The following PTPRA variants were observed in gnomAD, a reference collection of about 807,000 sequenced individuals.
PTPRA encodes protein tyrosine phosphatase receptor type A, also known as receptor-type tyrosine-protein phosphatase alpha.
Under a neutral mutation model 104.8 loss-of-function variants are expected in PTPRA, and 25 were observed. The ratio of observed to expected loss-of-function variants is 0.24; its 90% CI spans 0.17 to 0.33. The LOEUF (loss-of-function observed/expected upper bound fraction) is 0.33. Among genes scored for constraint, PTPRA ranks in the 10% least tolerant of loss-of-function variants. PTPRA has a pLI of 1.00. For missense variants in PTPRA, 765 were observed against 1,015.3 expected (o/e 0.75, Z 3.35); for synonymous variants, 323 against 368.9 (o/e 0.88, Z 1.43).
intron 5 of PTPRA, among the ~76,000 whole-genome samples, chr20:2,968,853 T>C (rs1174192148): frequency 6.6e-6 from 1 of 152,114 alleles, no homozygotes; most frequent in Non-Finnish European, 1.5e-5. Flanking sequence ...TTGAGGCTGC[T>C]GCAGTGAGCT....
At chr20:3,000,881 C>G (rs1396591931) in intron 9 of PTPRA, among the ~76,000 whole-genome samples, 6 of 152,074 alleles carry the variant, frequency 3.9e-5, no homozygotes, top group Non-Finnish European at 8.8e-5. Flanking sequence ...TATAAAACTT[C>G]AGGTTTACCA....
intron 9 of PTPRA, among the ~76,000 whole-genome samples, chr20:3,004,729 A>C (rs557542408): frequency 6.6e-6 from 1 of 152,190 alleles, no homozygotes. Context: ...CCCCATTCCA[A>C]TTTACAAGGG....
intron 2 of PTPRA, among the ~76,000 whole-genome samples, chr20:2,947,585 A>G (rs528556549): frequency 6.6e-6 from 1 of 152,290 alleles, no homozygotes; most frequent in South Asian, 2.1e-4. Context: ...CATCACTGCC[A>G]GCGTCTCCAC....
intron 1 of PTPRA, among the ~76,000 whole-genome samples, chr20:2,901,443 G>T (rs1485723946): frequency 6.6e-6 from 1 of 152,172 alleles, no homozygotes. Flanking sequence ...TTCAGCCATT[G>T]CTATTGATGG....
At chr20:2,912,876 C>G (rs560970713) in intron 1 of PTPRA, among the ~76,000 whole-genome samples, 2 of 152,272 alleles carry the variant, frequency 1.3e-5, no homozygotes, top group South Asian at 4.1e-4. Context: ...GGTACTTTGA[C>G]TATCCAGAAA....
intron 20 of PTPRA, among the ~76,000 whole-genome samples, chr20:3,028,192 C>A (rs1233729392): frequency 1.3e-5 from 2 of 151,862 alleles, no homozygotes; most frequent in Non-Finnish European, 2.9e-5. Context: ...GCGGGGGGGG[C>A]ACCCTCTCCT....
intron 1 of PTPRA, among the ~76,000 whole-genome samples, chr20:2,917,673 A>G (rs1194245039): frequency 1.3e-5 from 2 of 152,172 alleles, no homozygotes; most frequent in African/African-American, 2.4e-5. Context: ...CTGTTTTACT[A>G]GATTAGAAAA....
rs371220838 is a variant in PTPRA at position 2,990,654 on chromosome 20, C to G, written c.738+2180C>G. On this transcript the variant is annotated intron_variant, in intron 9 of 23. Transcript: ENST00000399903. ...GATGAGGTGGGAGTATCGCTTGAGCCTGCGGGGTGGAGGTTGCAGTGAGTC... is the reference window on the plus strand; with the variant it reads ...GATGAGGTGGGAGTATCGCTTGAGCGTGCGGGGTGGAGGTTGCAGTGAGTC... Among the ~76,000 whole-genome samples the G allele has an allele frequency of 3.3e-5, 5 of 152,298 alleles. No homozygotes were observed. The East Asian group carries it at 7.7e-4, about 24-fold the overall frequency.
intron 1 of PTPRA, among the ~76,000 whole-genome samples, chr20:2,888,653 T>C (rs372645264): frequency 9.2e-5 from 14 of 152,214 alleles, no homozygotes; most frequent in African/African-American, 3.4e-4. Flanking sequence ...TATGTGTCCA[T>C]GTTAATAGTT....
At chr20:2,980,451 G>C (rs969160043) in intron 6 of PTPRA, among the ~76,000 whole-genome samples, 1 of 151,960 alleles carries the variant, frequency 6.6e-6, no homozygotes, top group Non-Finnish European at 1.5e-5. Context: ...CTACTAGGGA[G>C]GCTAAGGTGT....
At chr20:2,882,372 A>G (rs2090106889) in intron 1 of PTPRA, among the ~76,000 whole-genome samples, 1 of 150,070 alleles carries the variant, frequency 6.7e-6, no homozygotes, top group African/African-American at 2.5e-5. Context: ...TCACTGCAGC[A>G]TTGACCTCCC....
At chr20:2,958,658 TAAAAA>T (rs71195806) in intron 3 of PTPRA, among the ~76,000 whole-genome samples, 1,832 of 62,188 alleles carry the variant, frequency 0.029, 53 homozygotes, top group Middle Eastern at 0.088. Context: ...CCATCTCTAC[TAAAAA>T]AAAAAAAAAA....
Position 3,007,907 on chromosome 20 carries a change from T to C in PTPRA, c.906+487T>C, listed in dbSNP as rs561110729. ...CAAGGCCTGAGGGAAGAGCTGATAC[T>C]AAGAGGAGGTTTTTAAAGATGATTT... On this transcript the variant is annotated intron_variant, in intron 11 of 23. Transcript: ENST00000399903. 1.7e-4 allele frequency among the ~76,000 whole-genome samples: 26 copies of C among 152,252 alleles called. No homozygotes were observed. In the South Asian group the frequency reaches 5.2e-3, roughly 30 times the overall value.
At chr20:2,910,589 G>GTTTTTTTTTTTTTTT (rs1423909050) in intron 1 of PTPRA, among the ~76,000 whole-genome samples, 2 of 57,968 alleles carry the variant, frequency 3.5e-5, no homozygotes, top group African/African-American at 7.9e-5. Flanking sequence ...TTTTTTTTTT[G>GTTTTTTTTTTTTTTT]TTTTTTTTTT....
rs1359814721 is a variant in PTPRA at position 2,873,976 on chromosome 20, G to C, written c.-129+216G>C. Among the ~76,000 whole-genome samples, 1 of 152,206 alleles carries C rather than the reference G, an allele frequency of 6.6e-6. No homozygotes were observed. Among genetic ancestry groups the C allele is most frequent in the Non-Finnish European group, 1.5e-5 (1 of 68,020 alleles). ...TCCCCGGAAACGTGCCGGCCCGAGT[G>C]CCGACCCCTCGCGACTGCCCAGGAA... On this transcript the variant is annotated intron_variant, in intron 1 of 23. Transcript: ENST00000399903. This position sits in a 1 kb window ranked among gnomAD's most constrained non-coding sequence, Gnocchi z 4.4.
rs570054294 is a variant in PTPRA, at chr20:2,967,213, C to A, written c.415+2011C>A. The stretch of plus-strand genomic sequence containing the variant: ...GGGAACTTAGTTTTCCATAAACTGA[C>A]TTAGGTCCAAATTGTGCCACAGCTA... On this transcript the variant is annotated intron_variant, in intron 5 of 23. Coordinates refer to ENST00000399903, the MANE Select transcript of PTPRA (RefSeq NM_001385305.1). Among the ~76,000 whole-genome samples the A allele has an allele frequency of 9.6e-4, 146 of 152,306 alleles. 1 individual carries two copies. The highest frequency in any genetic ancestry group is 1.5e-3 in the Non-Finnish European group (101 of 68,020).
chr20:2,875,131 T>G (rs549901571), intron 1 of PTPRA, among the ~76,000 whole-genome samples: 1 of 152,258 alleles, frequency 6.6e-6, no homozygotes, highest in Non-Finnish European at 1.5e-5. Context: ...TAGGCTCTGT[T>G]TATTTCCCGG....
chr20:2,955,453 A>G (rs1032222147), intron 3 of PTPRA, among the ~76,000 whole-genome samples: 2 of 152,180 alleles, frequency 1.3e-5, no homozygotes, highest in African/African-American at 4.8e-5. Context: ...GTCTAGTTTC[A>G]TTCTCTATAT....
At chr20:2,985,884 CTTG>C (rs1052383810) in intron 6 of PTPRA, among the ~76,000 whole-genome samples, 2,091 of 148,754 alleles carry the variant, frequency 0.014, 63 homozygotes, top group African/African-American at 0.049. Context: ...CAGCTGTCTC[CTTG>C]TTTGTTTGTT....
Sources: allele counts gnomAD v4.1 joint callset (sites outside exome capture counted in the v4.1 genomes callset), GRCh38; gene constraint gnomAD v4.1.1; non-coding constraint Gnocchi (gnomAD v3.1); transcripts MANE v1.5; gene names NCBI Gene and HGNC (gene_info 2026-07-23, HGNC 2026-07-21).